The following CACNB2 variants were observed in gnomAD, a reference collection of about 807,000 sequenced individuals.
CACNB2 encodes the protein voltage-dependent L-type calcium channel subunit beta-2.
Under a neutral mutation model 73.3 loss-of-function variants are expected in CACNB2, and 42 were observed. That is an observed-to-expected ratio of 0.57 (90% confidence interval 0.45 to 0.74). The LOEUF (loss-of-function observed/expected upper bound fraction) is 0.74. Among genes scored for constraint, CACNB2 ranks in the 30% least tolerant of loss-of-function variants. The probability of loss-of-function intolerance (pLI) is 0.00; values close to 1 mark genes in which losing one functional copy is unlikely to be tolerated. For missense variants in CACNB2, 940 were observed against 853.0 expected (o/e 1.10, Z -1.27); for synonymous variants, 348 against 310.3 (o/e 1.12, Z -1.28).
At chr10:18,211,356 G>GT (rs1200805580) in intron 2 of CACNB2, among the ~76,000 whole-genome samples, 1 of 152,134 alleles carries the variant, frequency 6.6e-6, no homozygotes, top group African/African-American at 2.4e-5. Context: ...TCATTTATGA[G>GT]TAAGTAGCTT....
Position 18,220,110 on chromosome 10 carries a change from AATATATATAT to A in CACNB2, c.213+69171_213+69180del, listed in dbSNP as rs1165921150. On this transcript the variant is annotated intron_variant, in intron 2 of 13. Coordinates refer to ENST00000324631, the MANE Select transcript of CACNB2 (RefSeq NM_201596.3). ...TCCTCTTCTCCTTTTTTTATTTTTTAATATATATATATATATATATATATATATATATATA... is the reference window on the plus strand; with the variant it reads ...TCCTCTTCTCCTTTTTTTATTTTTTAATATATATATATATATATATATATA... Among the ~76,000 whole-genome samples, 92 of 32,750 alleles carry A rather than the reference AATATATATAT, an allele frequency of 2.8e-3. 1 individual carries two copies. The highest frequency in any genetic ancestry group is 4.9e-3 in the African/African-American group (35 of 7,180). The allele number at this position is 32,750 out of a possible 152,430, so 21.5% of individuals were successfully genotyped here.
chr10:18,539,782 A>AT lies in CACNB2; in HGVS notation c.*59dup. The AT allele has an allele frequency of 6.6e-7, 1 of 1,526,506 alleles. No individual in the cohort carries two copies. The highest frequency in any genetic ancestry group is 1.2e-5 in the South Asian group (1 of 83,644). 94.6% of individuals were successfully genotyped at this position (1,526,506 alleles called of 1,614,324 possible). Reference sequence around the variant, plus strand: ...TTTGAAGTCTTGTATAACTAACAGCATCCCCAAAACAAAGTCTTTGGGGTC... The same window carrying AT: ...TTTGAAGTCTTGTATAACTAACAGCATTCCCCAAAACAAAGTCTTTGGGGTC... On this transcript the variant is annotated 3_prime_UTR_variant, in exon 14 of 14. Coordinates refer to ENST00000324631, the MANE Select transcript of CACNB2 (RefSeq NM_201596.3).
chr10:18,376,560 C>T (rs1318130241), intron 2 of CACNB2, among the ~76,000 whole-genome samples: 2 of 152,154 alleles, frequency 1.3e-5, no homozygotes, highest in Admixed American at 1.3e-4. Flanking sequence ...TTGAGAGGGG[C>T]TTCTGGCCAA....
intron 2 of CACNB2, chr10:18,256,733 G>A (rs1037200418): frequency 1.3e-5 from 2 of 152,304 alleles, no homozygotes; most frequent in Non-Finnish European, 2.9e-5. Context: ...ACGAGCTCAG[G>A]AGTTCAAGAC....
At chr10:18,373,037 A>G (rs1272688930) in intron 2 of CACNB2, among the ~76,000 whole-genome samples, 1 of 151,960 alleles carries the variant, frequency 6.6e-6, no homozygotes, top group African/African-American at 2.4e-5. Context: ...GCAGGTCTGA[A>G]ACTCGTGGCC....
chr10:18,239,324 C>T (rs1350520975), intron 2 of CACNB2, among the ~76,000 whole-genome samples: 11 of 152,032 alleles, frequency 7.2e-5, no homozygotes, highest in African/African-American at 1.9e-4. Context: ...CCCACCTTTC[C>T]GAGTCTCCAG....
intron 2 of CACNB2, among the ~76,000 whole-genome samples, chr10:18,189,761 G>A (rs2034313688): frequency 6.6e-6 from 1 of 152,144 alleles, no homozygotes; most frequent in Non-Finnish European, 1.5e-5. Flanking sequence ...TCAAGCTTTT[G>A]TTACATATTG....
At chr10:18,464,777 A>G (rs2047785177) in intron 3 of CACNB2, among the ~76,000 whole-genome samples, 1 of 152,258 alleles carries the variant, frequency 6.6e-6, no homozygotes, top group Non-Finnish European at 1.5e-5. Flanking sequence ...AATTGACAGC[A>G]TCTGCATTTA....
At position 18,281,760 on chromosome 10, in the gene CACNB2, C is replaced by T. The variant is rs1011013698; in HGVS notation, c.214-120164C>T. Among the ~76,000 whole-genome samples the T allele has an allele frequency of 2.6e-5, 4 of 151,982 alleles. 1 individual carries two copies. Among genetic ancestry groups the T allele is most frequent in the Admixed American group, 2.0e-4 (3 of 15,242 alleles). ...TTTGGAGGCTGTGGCAGGTGGATCA[C>T]CTGAGGTCAGGAGTTCGAGACCAGC... is the stretch of plus-strand genomic sequence containing the variant. On this transcript the variant is annotated intron_variant, in intron 2 of 13. Transcript: ENST00000324631.
intron 5 of CACNB2, among the ~76,000 whole-genome samples, chr10:18,505,415 C>G (rs1242159335): frequency 6.6e-6 from 1 of 152,114 alleles, no homozygotes; most frequent in Non-Finnish European, 1.5e-5. Context: ...AAAAGATATA[C>G]AGCCCTCCTG....
At chr10:18,508,760 T>A (rs574172043) in intron 6 of CACNB2, among the ~76,000 whole-genome samples, 30 of 152,310 alleles carry the variant, frequency 2.0e-4, no homozygotes, top group African/African-American at 6.0e-4. Flanking sequence ...AAGTCTGACG[T>A]CAAACCATCG....
At chr10:18,388,503 A>ACACCACTGG (rs1479930039) in intron 2 of CACNB2, among the ~76,000 whole-genome samples, 1 of 152,132 alleles carries the variant, frequency 6.6e-6, no homozygotes, top group African/African-American at 2.4e-5. Context: ...TGAGTACTCC[A>ACACCACTGG]CACCACTGGC....
At chr10:18,368,161 G>A (rs564740496) in intron 2 of CACNB2, among the ~76,000 whole-genome samples, 1 of 152,196 alleles carries the variant, frequency 6.6e-6, no homozygotes, top group East Asian at 1.9e-4. Flanking sequence ...TTCAATCTTT[G>A]GAGTAAGATT....
At chr10:18,178,477 A>G (rs1250376151) in intron 2 of CACNB2, among the ~76,000 whole-genome samples, 1 of 152,214 alleles carries the variant, frequency 6.6e-6, no homozygotes, top group Non-Finnish European at 1.5e-5. Context: ...AATCAGATAG[A>G]GGTCCTGTTC....
intron 3 of CACNB2, among the ~76,000 whole-genome samples, chr10:18,493,453 A>C (rs377298535): frequency 6.6e-6 from 1 of 152,150 alleles, no homozygotes; most frequent in Non-Finnish European, 1.5e-5. Context: ...GGCGTAAACC[A>C]CTGCACCCAT....
intron 6 of CACNB2, chr10:18,513,588 C>T (rs1325372556): frequency 2.9e-6 from 1 of 348,156 alleles, no homozygotes; most frequent in African/African-American, 2.2e-5. Flanking sequence ...GTCTCCACTG[C>T]TTTACGACCC....
At chr10:18,270,141 G>A (rs897656231) in intron 2 of CACNB2, among the ~76,000 whole-genome samples, 3 of 152,202 alleles carry the variant, frequency 2.0e-5, no homozygotes, top group Admixed American at 6.5e-5. Context: ...CATGGCAGGA[G>A]GCAAAGGAGA....
chr10:18,336,552 G>A (rs1049787990), intron 2 of CACNB2, among the ~76,000 whole-genome samples: 2 of 152,106 alleles, frequency 1.3e-5, no homozygotes, highest in African/African-American at 4.8e-5. Flanking sequence ...CTGGGAGGCG[G>A]AGGCTGCAAT....
chr10:18,527,962 G>C (rs1836144643), intron 10 of CACNB2, among the ~76,000 whole-genome samples: 1 of 152,182 alleles, frequency 6.6e-6, no homozygotes, highest in East Asian at 1.9e-4. Flanking sequence ...GGTGTCTGCA[G>C]ACTCTAAGAT....
Sources: allele counts gnomAD v4.1 joint callset (sites outside exome capture counted in the v4.1 genomes callset), GRCh38; gene constraint gnomAD v4.1.1; transcripts MANE v1.5; gene names NCBI Gene and HGNC (gene_info 2026-07-23, HGNC 2026-07-21).